AKAP6: variants seen among roughly 807,000 people sequenced by gnomAD.
AKAP6 encodes A-kinase anchor protein 6.
Under a neutral mutation model 188.5 loss-of-function variants are expected in AKAP6, and 58 were observed. The observed-to-expected ratio is 0.31, with a 90% confidence interval of 0.25 to 0.38. The LOEUF (loss-of-function observed/expected upper bound fraction) is 0.38, where lower values mean the gene tolerates loss of function less well. Ranked by LOEUF, AKAP6 falls within the 10% of genes least tolerant of loss-of-function variation. The pLI is 1.00. For missense variants in AKAP6, 2,710 were observed against 2,740.0 expected (o/e 0.99, Z 0.24); for synonymous variants, 989 against 998.6 (o/e 0.99, Z 0.18).
intron 7 of AKAP6, among the ~76,000 whole-genome samples, chr14:32,670,040 T>C (rs950407111): frequency 8.7e-5 from 13 of 149,800 alleles, no homozygotes; most frequent in African/African-American, 2.7e-4. Context: ...GAGGTTGCAA[T>C]GAGCCAAGAT....
intron 12 of AKAP6, among the ~76,000 whole-genome samples, chr14:32,815,849 G>T (rs909449849): frequency 1.3e-5 from 2 of 152,118 alleles, no homozygotes; most frequent in Admixed American, 6.5e-5. Flanking sequence ...CTATAAGGCA[G>T]ATACAATGTA....
intron 1 of AKAP6, among the ~76,000 whole-genome samples, chr14:32,371,196 C>G (rs1412429471): frequency 3.3e-5 from 5 of 152,166 alleles, no homozygotes; most frequent in African/African-American, 9.6e-5. Context: ...AGTGAATATA[C>G]ATGCATTTTA....
intron 11 of AKAP6, among the ~76,000 whole-genome samples, chr14:32,762,123 AC>A (rs1159048889): frequency 6.6e-6 from 1 of 152,114 alleles, no homozygotes; most frequent in African/African-American, 2.4e-5. Context: ...TATATCCAGC[AC>A]CTTTTTCCCC....
intron 1 of AKAP6, among the ~76,000 whole-genome samples, chr14:32,391,941 T>G (rs1199227849): frequency 6.6e-6 from 1 of 152,084 alleles, no homozygotes; most frequent in Non-Finnish European, 1.5e-5. Flanking sequence ...GGAGAAGAGA[T>G]GAAGTGGGAG....
At chr14:32,580,486 C>T (rs1032722918) in intron 5 of AKAP6, among the ~76,000 whole-genome samples, 7 of 152,080 alleles carry the variant, frequency 4.6e-5, no homozygotes, top group South Asian at 2.1e-4. Flanking sequence ...AAAAAAACAG[C>T]TTTATTGAGG....
chr14:32,765,092 G>A (rs1207376451), intron 11 of AKAP6, among the ~76,000 whole-genome samples: 3 of 151,678 alleles, frequency 2.0e-5, no homozygotes, highest in Non-Finnish European at 4.4e-5. Context: ...ATGCCACCAC[G>A]CCCAGCTAAT....
intron 3 of AKAP6, among the ~76,000 whole-genome samples, chr14:32,540,170 A>ATT (rs1566563495): frequency 1.4e-5 from 1 of 71,176 alleles, no homozygotes; most frequent in Non-Finnish European, 2.4e-5. Context: ...CTCTCTCTCT[A>ATT]TATATATATA....
chr14:32,378,762 A>G (rs1175317893), intron 1 of AKAP6, among the ~76,000 whole-genome samples: 1 of 152,200 alleles, frequency 6.6e-6, no homozygotes, highest in Admixed American at 6.5e-5. Context: ...GAAAAATAAT[A>G]CTTATAAATG....
Position 32,500,429 on chromosome 14 carries a change from C to G in AKAP6, c.325-35125C>G, listed in dbSNP as rs138514342. Among the ~76,000 whole-genome samples the G allele has an allele frequency of 9.5e-4, 145 of 152,258 alleles. 1 individual carries two copies. Among genetic ancestry groups the G allele is most frequent in the African/African-American group, 3.4e-3 (143 of 41,562 alleles). On this transcript the variant is annotated intron_variant, in intron 2 of 13. Coordinates refer to ENST00000280979, the MANE Select transcript of AKAP6 (RefSeq NM_004274.5). ...GACAGAGGGATAATACAATAGTGAA[C>G]CAATGATCACTTCCTATACTTCTGT...
chr14:32,637,541 A>C (rs1397943043), intron 7 of AKAP6, among the ~76,000 whole-genome samples: 2 of 152,084 alleles, frequency 1.3e-5, no homozygotes, highest in African/African-American at 4.8e-5. Flanking sequence ...TATTTGTAAC[A>C]TATAAGACTA....
intron 1 of AKAP6, among the ~76,000 whole-genome samples, chr14:32,353,081 C>T (rs1021620884): frequency 5.9e-5 from 9 of 151,868 alleles, no homozygotes; most frequent in Non-Finnish European, 4.4e-5. Flanking sequence ...TGATAATAGC[C>T]ATTCTAGTTG....
chr14:32,379,664 G>A (rs1485857912), intron 1 of AKAP6, among the ~76,000 whole-genome samples: 2 of 152,024 alleles, frequency 1.3e-5, no homozygotes, highest in Non-Finnish European at 2.9e-5. Flanking sequence ...TCATAGGCTT[G>A]AGCTCCGTAT....
At chr14:32,601,212 A>G (rs1885916034) in intron 7 of AKAP6, among the ~76,000 whole-genome samples, 1 of 152,228 alleles carries the variant, frequency 6.6e-6, no homozygotes, top group Admixed American at 6.5e-5. Flanking sequence ...ATTAACAAAG[A>G]AGAGAGAAAG....
rs555874054 is a variant in AKAP6, at chr14:32,718,512, T to A, written c.3001-13942T>A. On this transcript the variant is annotated intron_variant, in intron 9 of 13. Transcript: ENST00000280979. ...CTTAGCCTTTCGCATTCTGATCAAA[T>A]GTTCTTGCTATGAGAAAACACTGCC... 2.0e-5 allele frequency among the ~76,000 whole-genome samples: 3 copies of A among 152,314 alleles called. No individual in the cohort carries two copies. In the East Asian group the frequency reaches 5.8e-4, roughly 29 times the overall value.
intron 9 of AKAP6, among the ~76,000 whole-genome samples, chr14:32,722,886 A>T (rs181962681): frequency 6.6e-6 from 1 of 152,140 alleles, no homozygotes; most frequent in East Asian, 1.9e-4. Context: ...TATCAAGCTG[A>T]CTCTTCGCTA....
At chr14:32,612,284 C>T (rs1222428896) in intron 7 of AKAP6, among the ~76,000 whole-genome samples, 1 of 152,118 alleles carries the variant, frequency 6.6e-6, no homozygotes, top group African/African-American at 2.4e-5. Context: ...CCGCAAACTC[C>T]TTGGGGCAGC....
chr14:32,539,278 A>C (rs1882815785), intron 3 of AKAP6, among the ~76,000 whole-genome samples: 1 of 152,208 alleles, frequency 6.6e-6, no homozygotes, highest in Non-Finnish European at 1.5e-5. Context: ...TTGAGAACTT[A>C]CCATGTGCTA....
At chr14:32,825,867 AAC>A (rs1391203762) in intron 13 of AKAP6, among the ~76,000 whole-genome samples, 3 of 152,204 alleles carry the variant, frequency 2.0e-5, no homozygotes, top group Admixed American at 6.6e-5. Context: ...TTATTCAAAT[AAC>A]AGTTATTATA....
At chr14:32,424,895 G>A (rs966509113) in intron 1 of AKAP6, among the ~76,000 whole-genome samples, 12 of 152,276 alleles carry the variant, frequency 7.9e-5, no homozygotes, top group African/African-American at 2.2e-4. Flanking sequence ...TCTTTATCCA[G>A]TCTATCATTG....
Sources: allele counts gnomAD v4.1 joint callset (sites outside exome capture counted in the v4.1 genomes callset), GRCh38; gene constraint gnomAD v4.1.1; transcripts MANE v1.5; gene names NCBI Gene and HGNC (gene_info 2026-07-23, HGNC 2026-07-21).